RUNDC3B: variants seen among roughly 807,000 people sequenced by gnomAD.
The protein encoded by RUNDC3B is RUN domain containing 3B, also known as RUN domain-containing protein 3B.
Under a neutral mutation model 58.4 loss-of-function variants are expected in RUNDC3B, and 33 were observed. That is an observed-to-expected ratio of 0.56 (90% CI 0.43 to 0.75). RUNDC3B has a LOEUF of 0.75. Ranked by LOEUF, RUNDC3B falls within the 30% of genes least tolerant of loss-of-function variation. The probability of loss-of-function intolerance (pLI) is 0.00; values close to 1 mark genes in which losing one functional copy is unlikely to be tolerated. For synonymous variants in RUNDC3B, 193 were observed against 195.2 expected, an observed-to-expected ratio of 0.99 and a Z score of 0.10; for missense variants, 501 against 535.7, an observed-to-expected ratio of 0.94 and a Z score of 0.64.
intron 1 of RUNDC3B, among the ~76,000 whole-genome samples, chr7:87,644,214 A>C (rs1202183303): frequency 6.6e-6 from 1 of 152,222 alleles, no homozygotes; most frequent in Non-Finnish European, 1.5e-5. Flanking sequence ...AATATAAGAG[A>C]GAAAATAGGC....
At chr7:87,803,793 AT>A (rs1836296375) in intron 8 of RUNDC3B, among the ~76,000 whole-genome samples, 1 of 152,094 alleles carries the variant, frequency 6.6e-6, no homozygotes, top group South Asian at 2.1e-4. Context: ...GTCCGTGAAT[AT>A]TTTGCAGATT....
chr7:87,827,929 G>A (rs1482829090), intron 10 of RUNDC3B, among the ~76,000 whole-genome samples: 1 of 152,136 alleles, frequency 6.6e-6, no homozygotes, highest in African/African-American at 2.4e-5. Context: ...TACCTGGGTG[G>A]ATTGTTTGAG....
At chr7:87,766,120 G>A (rs1336514181) in intron 6 of RUNDC3B, among the ~76,000 whole-genome samples, 2 of 151,976 alleles carry the variant, frequency 1.3e-5, no homozygotes, top group Non-Finnish European at 2.9e-5. Flanking sequence ...ACTCTTGATC[G>A]TTTTGTTTTC....
chr7:87,741,803 G>C (rs1015385472), intron 6 of RUNDC3B, among the ~76,000 whole-genome samples: 2 of 152,022 alleles, frequency 1.3e-5, no homozygotes, highest in Admixed American at 6.6e-5. Context: ...CTAGCATCTA[G>C]TTTTTTAAAA....
intron 4 of RUNDC3B, 73 bp downstream of exon 4, chr7:87,710,728 T>G (rs1445306029): frequency 2.6e-6 from 2 of 774,360 alleles, no homozygotes; most frequent in Non-Finnish European, 4.1e-6. Flanking sequence ...CAGAATAGGA[T>G]GAAGAATCAA....
chr7:87,697,476 G>A (rs528552417), intron 2 of RUNDC3B, among the ~76,000 whole-genome samples: 40 of 152,264 alleles, frequency 2.6e-4, no homozygotes, highest in African/African-American at 9.1e-4. Context: ...AACATTTGAG[G>A]AAGTAACTTT....
chr7:87,630,705 T>C (rs985605694), intron 1 of RUNDC3B, among the ~76,000 whole-genome samples: 1 of 151,762 alleles, frequency 6.6e-6, no homozygotes, highest in Non-Finnish European at 1.5e-5. Context: ...TTTTTTTCTT[T>C]CAAATTCTCA....
At position 87,770,623 on chromosome 7, in the gene RUNDC3B, G is replaced by C; in HGVS notation, c.672G>C (p.Leu224Phe). The change falls in exon 7 of 11, where the codon TTG becomes TTC. Residue 224 changes from leucine (L) to phenylalanine (F), a missense_variant. Transcript: ENST00000394654. ...ISSDEEELRT[L>F]GSSGSESSTP... ...GTGATGAGGAGGAGCTAAGGACTTTGGGAAGCAGTGGTAGCGAAAGCAGTA... is the reference window on the plus strand; with the variant it reads ...GTGATGAGGAGGAGCTAAGGACTTTCGGAAGCAGTGGTAGCGAAAGCAGTA... 1 of 1,613,666 alleles carries C rather than the reference G, an allele frequency of 6.2e-7. No individual in the cohort carries two copies. Among genetic ancestry groups the C allele is most frequent in the Non-Finnish European group, 8.5e-7 (1 of 1,179,728 alleles).
intron 3 of RUNDC3B, 44 bp from the exon 4 acceptor site, chr7:87,710,526 T>C: frequency 1.6e-6 from 2 of 1,223,040 alleles, no homozygotes; most frequent in Non-Finnish European, 2.3e-6. Context: ...GGCAAAATAT[T>C]TTTTTAATTT....
chr7:87,673,688 A>G (rs1826051170), intron 2 of RUNDC3B, among the ~76,000 whole-genome samples: 1 of 152,170 alleles, frequency 6.6e-6, no homozygotes, highest in African/African-American at 2.4e-5. Context: ...ATTCGTATCC[A>G]TGTTCTGAAT....
At chr7:87,662,692 C>T (rs938963113) in intron 2 of RUNDC3B, among the ~76,000 whole-genome samples, 5 of 152,036 alleles carry the variant, frequency 3.3e-5, no homozygotes, top group East Asian at 1.9e-4. Context: ...AATGTGATTC[C>T]TCCAGTTTTG....
intron 7 of RUNDC3B, 66 bp from the exon 8 acceptor site, chr7:87,777,732 C>A (rs1287398061): frequency 3.0e-5 from 39 of 1,286,374 alleles, no homozygotes; most frequent in Non-Finnish European, 4.2e-5. Flanking sequence ...AGCTACTCAG[C>A]ATTTATCTTC....
chr7:87,730,054 T>C (rs1047205057), intron 4 of RUNDC3B, among the ~76,000 whole-genome samples: 11 of 152,180 alleles, frequency 7.2e-5, no homozygotes, highest in Admixed American at 2.0e-4. Context: ...TAAGAGCCCT[T>C]GGGCCTTCAA....
At position 87,650,928 on chromosome 7, in the gene RUNDC3B, C is replaced by T. The variant is rs1283048545; in HGVS notation, c.229C>T (p.Arg77Trp). The part of the protein sequence containing the change: ...AAILEQILSH[R>W]LKGQVTWFGY... ...TATTTTGGAACAGATTTTAAGCCAC[C>T]GGCTAAAAGGTAAAAGCACTAATGT... The change falls in exon 2 of 11, where the codon CGG becomes TGG. Residue 77 changes from arginine (R) to tryptophan (W), a missense_variant. Coordinates refer to ENST00000394654, the MANE Select transcript of RUNDC3B (RefSeq NM_001134405.2). 3.8e-6 allele frequency: 6 copies of T among 1,584,632 alleles called. No homozygotes were observed. Among genetic ancestry groups the T allele is most frequent in the African/African-American group, 2.7e-5 (2 of 74,224 alleles).
intron 8 of RUNDC3B, among the ~76,000 whole-genome samples, chr7:87,790,967 T>A (rs766949399): frequency 2.0e-5 from 3 of 152,108 alleles, no homozygotes; most frequent in Non-Finnish European, 4.4e-5. Flanking sequence ...GAGAAAAATA[T>A]CAGTATTCAA....
At chr7:87,822,470 G>C (rs1193536035) in intron 10 of RUNDC3B, among the ~76,000 whole-genome samples, 2 of 152,230 alleles carry the variant, frequency 1.3e-5, no homozygotes, top group African/African-American at 4.8e-5. Context: ...CATTGTGGAA[G>C]TCAGTGTGGC....
chr7:87,814,916 AAT>A (rs1195230950), intron 9 of RUNDC3B, among the ~76,000 whole-genome samples: 33 of 152,160 alleles, frequency 2.2e-4, no homozygotes, highest in African/African-American at 7.5e-4. Context: ...ATTCATTATG[AAT>A]ATATGTTGTC....
chr7:87,654,417 A>AAAT (rs1272022862), intron 2 of RUNDC3B, among the ~76,000 whole-genome samples: 1 of 152,124 alleles, frequency 6.6e-6, no homozygotes, highest in Non-Finnish European at 1.5e-5. Flanking sequence ...GAGAACCCAC[A>AAAT]AATAAATCCA....
At chr7:87,763,293 C>T (rs1399465024) in intron 6 of RUNDC3B, among the ~76,000 whole-genome samples, 2 of 151,558 alleles carry the variant, frequency 1.3e-5, no homozygotes, top group Admixed American at 6.6e-5. Flanking sequence ...CTAAAGTAGG[C>T]ATAATTGTTA....
Sources: allele counts gnomAD v4.1 joint callset (sites outside exome capture counted in the v4.1 genomes callset), GRCh38; gene constraint gnomAD v4.1.1; transcripts MANE v1.5; gene names NCBI Gene and HGNC (gene_info 2026-07-23, HGNC 2026-07-21).